The following MGA variants were observed in gnomAD, a reference collection of about 807,000 sequenced individuals.
MGA encodes the protein MAX gene-associated protein.
In MGA, 40 loss-of-function variants were observed where a neutral mutation model predicts 261.1. That is an observed-to-expected ratio of 0.15 (90% CI 0.12 to 0.20). The LOEUF (loss-of-function observed/expected upper bound fraction) is 0.20, where lower values mean the gene tolerates loss of function less well. MGA is among the 10% of genes least tolerant of loss of function. The pLI is 1.00. For missense variants in MGA, 3,397 were observed against 3,630.5 expected (o/e 0.94, Z 1.65); for synonymous variants, 1,302 against 1,290.6 (o/e 1.01, Z -0.19).
Position 41,714,882 on chromosome 15 carries a change from A to G in MGA, c.3430+1386A>G, listed in dbSNP as rs74886266. 8.8e-4 allele frequency among the ~76,000 whole-genome samples: 134 copies of G among 152,256 alleles called. 3 individuals are homozygous for G. In the East Asian group the frequency reaches 0.022, roughly 25 times the overall value. ...AATTGATATTTTGTTTTAGATTTGTATTTCTTCTATGATAGATTTATTGAC... is the reference window on the plus strand; with the variant it reads ...AATTGATATTTTGTTTTAGATTTGTGTTTCTTCTATGATAGATTTATTGAC... On this transcript the variant is annotated intron_variant, in intron 9 of 23. Transcript: ENST00000219905.
intron 2 of MGA, among the ~76,000 whole-genome samples, chr15:41,682,336 C>A (rs2058728795): frequency 6.6e-6 from 1 of 152,150 alleles, no homozygotes. Flanking sequence ...ACCTCCTCTG[C>A]ATACTTCTTC....
Position 41,749,128 on chromosome 15 carries a change from C to T in MGA, c.5521C>T (p.Arg1841Trp), listed in dbSNP as rs377364179. 7.4e-6 allele frequency: 12 copies of T among 1,611,670 alleles called. No individual in the cohort carries two copies. The highest frequency in any genetic ancestry group is 1.1e-5 in the South Asian group (1 of 90,972). Residue 1841 changes from arginine to tryptophan, a missense_variant, in exon 17 of 24, where the codon CGG (arginine) becomes TGG (tryptophan). Arg to Trp is a moderately radical substitution (Grantham distance 101). Coordinates refer to ENST00000219905, the MANE Select transcript of MGA (RefSeq NM_001164273.2). The stretch of plus-strand genomic sequence containing the variant: ...TAAACCAGGGTCTGTGATGGGAATC[C>T]GGTTACCTGCTCCTTCCAAACCCTC...
At position 41,762,266 on chromosome 15, in the gene MGA, G is replaced by A. The variant is rs780189826; in HGVS notation, c.7648G>A (p.Gly2550Arg). 4 of 1,613,822 alleles carry A rather than the reference G, an allele frequency of 2.5e-6. No individual in the cohort carries two copies. Among genetic ancestry groups the A allele is most frequent in the Non-Finnish European group, 3.4e-6 (4 of 1,179,814 alleles). The change falls in exon 22 of 24, where the codon GGA (glycine) becomes AGA (arginine). Residue 2550 changes from glycine to arginine, a missense_variant. Coordinates refer to ENST00000219905, the MANE Select transcript of MGA (RefSeq NM_001164273.2). Reference sequence around the variant, plus strand: ...TCCCAGAATTAGCAAACAGCAGGAAGGATCTTCTGCATCATCTGTAGATCT... The same window carrying A: ...TCCCAGAATTAGCAAACAGCAGGAAAGATCTTCTGCATCATCTGTAGATCT...
intron 1 of MGA, among the ~76,000 whole-genome samples, chr15:41,639,517 T>G (rs930071414): frequency 6.6e-6 from 1 of 150,652 alleles, no homozygotes; most frequent in Non-Finnish European, 1.5e-5. Flanking sequence ...GCATGTAGTT[T>G]TTTTTTTTTA....
At position 41,668,926 on chromosome 15, in the gene MGA, A is replaced by G; in HGVS notation, c.32A>G (p.Asn11Ser). 6.3e-7 allele frequency: 1 copy of G among 1,592,628 alleles called. No homozygotes were observed. The highest frequency in any genetic ancestry group is 1.1e-5 in the South Asian group (1 of 89,074). The stretch of plus-strand genomic sequence containing the variant: ...GAGAAACAGCAGATTATATTGGCTA[A>G]TCAAGATGGTGGAACAGTGGCAGGA... Residue 11 changes from asparagine (N) to serine (S), a missense_variant, in exon 2 of 24, where the codon AAT (asparagine) becomes AGT (serine). Around this residue, in one of 9 missense-constraint regions of MGA, gnomAD observed 81 missense variants for 84.3 expected, o/e 0.96. Coordinates refer to ENST00000219905, the MANE Select transcript of MGA (RefSeq NM_001164273.2).
rs1347722428 is a variant in MGA, at chr15:41,668,893, T to A, written c.-2T>A. 1 of 1,545,724 alleles carries A rather than the reference T, an allele frequency of 6.5e-7. No homozygotes were observed. The highest frequency in any genetic ancestry group is 8.8e-7 in the Non-Finnish European group (1 of 1,140,152). On this transcript the variant is annotated 5_prime_UTR_variant, in exon 2 of 24. Coordinates refer to ENST00000219905, the MANE Select transcript of MGA (RefSeq NM_001164273.2). ...CTTACTACTGAGTTTCCTACTGAAA[T>A]CATGGAGGAGAAACAGCAGATTATA...
chr15:41,705,997 G>C (rs1393234017), intron 5 of MGA, among the ~76,000 whole-genome samples: 1 of 152,138 alleles, frequency 6.6e-6, no homozygotes, highest in Admixed American at 6.6e-5. Context: ...CCAGCACTTT[G>C]GGAGGCCGAG....
intron 5 of MGA, among the ~76,000 whole-genome samples, chr15:41,705,690 C>G (rs909885385): frequency 6.6e-6 from 1 of 152,192 alleles, no homozygotes; most frequent in South Asian, 2.1e-4. Flanking sequence ...TCTCTGAGAT[C>G]ACCTGCTTTA....
In MGA at chr15:41,766,640, C is replaced by T. The variant is rs2063810819; in HGVS notation, c.8558C>T (p.Thr2853Ile). ...GCTGAACTACCCAGCTCTATGGATA[C>T]AGAGTTCCCAGGGGATGCTCGGCGG... The change falls in exon 24 of 24, where the codon ACA (threonine) becomes ATA (isoleucine). Residue 2853 changes from threonine (T) to isoleucine (I), a missense_variant. Physicochemically the swap from Thr to Ile is moderately conservative, Grantham distance 89 (BLOSUM62 -1). Around this residue, in one of 9 missense-constraint regions of MGA, gnomAD observed 647 missense variants for 642.4 expected, o/e 1.01. Transcript: ENST00000219905. 6.2e-7 allele frequency: 1 copy of T among 1,613,860 alleles called. No homozygotes were observed. The highest frequency in any genetic ancestry group is 8.5e-7 in the Non-Finnish European group (1 of 1,179,894).
intron 20 of MGA, 136 bp downstream of exon 20, chr15:41,760,665 G>C (rs1275487948): frequency 1.4e-4 from 108 of 784,520 alleles, no homozygotes; most frequent in Non-Finnish European, 1.1e-4. Context: ...ATGGACTAGT[G>C]AATGCCCAGT....
At chr15:41,645,814 T>C (rs902983458) in intron 1 of MGA, among the ~76,000 whole-genome samples, 2 of 152,208 alleles carry the variant, frequency 1.3e-5, no homozygotes, top group Non-Finnish European at 2.9e-5. Flanking sequence ...CTGTTTTAAT[T>C]CTGGACAACA....
chr15:41,682,886 C>T (rs2058749996), intron 2 of MGA, among the ~76,000 whole-genome samples: 1 of 152,136 alleles, frequency 6.6e-6, no homozygotes, highest in Non-Finnish European at 1.5e-5. Context: ...TAGAAAGTAT[C>T]TGTAGAACAT....
At chr15:41,628,617 G>T (rs115718025) in intron 1 of MGA, among the ~76,000 whole-genome samples, 454 of 151,958 alleles carry the variant, frequency 3.0e-3, no homozygotes, top group African/African-American at 0.011. Flanking sequence ...ATTACAAGAA[G>T]GCTAGTGTGC....
At chr15:41,744,969 C>T (rs933129843) in intron 15 of MGA, among the ~76,000 whole-genome samples, 1 of 152,200 alleles carries the variant, frequency 6.6e-6, no homozygotes, top group Non-Finnish European at 1.5e-5. Flanking sequence ...ACCTCCGCCT[C>T]CCAGGTTCAA....
chr15:41,642,658 A>G (rs918083204), intron 1 of MGA, among the ~76,000 whole-genome samples: 2 of 151,708 alleles, frequency 1.3e-5, no homozygotes, highest in African/African-American at 2.4e-5. Context: ...TAATTTTTGT[A>G]TTTTTAGTAT....
chr15:41,721,390 C>T (rs946713960), intron 9 of MGA, among the ~76,000 whole-genome samples: 3 of 152,110 alleles, frequency 2.0e-5, no homozygotes, highest in African/African-American at 7.2e-5. Flanking sequence ...ATCGCTTGAA[C>T]CTGGGAGATG....
Position 41,766,936 on chromosome 15 carries a change from T to G in MGA, c.8854T>G (p.Ser2952Ala). Residue 2952 changes from serine to alanine, a missense_variant, in exon 24 of 24, where the codon TCT (serine) becomes GCT (alanine). Physicochemically the swap from Ser to Ala is moderately conservative, Grantham distance 99. Transcript: ENST00000219905. ...AGCTATTGATGGAGGGAAGAATACTTCTGGCCTCCCTGCAGAGCCCGAAAG... is the reference window on the plus strand; with the variant it reads ...AGCTATTGATGGAGGGAAGAATACTGCTGGCCTCCCTGCAGAGCCCGAAAG... The G allele has an allele frequency of 1.2e-6, 2 of 1,613,994 alleles. No homozygotes were observed. Among genetic ancestry groups the G allele is most frequent in the Non-Finnish European group, 8.5e-7 (1 of 1,179,888 alleles).
chr15:41,748,561 ATAT>A (rs760926533), intron 15 of MGA, 73 bp from the exon 16 acceptor site: 352 of 1,466,712 alleles, frequency 2.4e-4, no homozygotes, highest in Non-Finnish European at 3.0e-4. Flanking sequence ...GTCTTAAAAA[ATAT>A]TATGAATACT....
chr15:41,673,445 T>A (rs1186444763), intron 2 of MGA, among the ~76,000 whole-genome samples: 1 of 151,790 alleles, frequency 6.6e-6, no homozygotes, highest in Non-Finnish European at 1.5e-5. Context: ...CTTGAACTCC[T>A]GGCCTCAAGT....
Sources: gnomAD v4.1 joint callset for allele counts (sites outside exome capture counted in the v4.1 genomes callset) on GRCh38, gnomAD v4.1.1 for gene constraint, gnomAD v4.1.1 regional missense constraint, MANE v1.5 for transcripts, NCBI Gene and HGNC (gene_info 2026-07-23, HGNC 2026-07-21) for gene names.